FHOD3: variants seen among roughly 807,000 people sequenced by gnomAD.
The protein encoded by FHOD3 is FH1/FH2 domain-containing protein 3.
A neutral mutation model predicts 173.0 loss-of-function variants in FHOD3; 90 were observed. That is an observed-to-expected ratio of 0.52 (90% CI 0.44 to 0.62). FHOD3 has a LOEUF of 0.62. FHOD3 is among the 20% of genes least tolerant of loss of function. The probability of loss-of-function intolerance (pLI) is 0.00; values close to 1 mark genes in which losing one functional copy is unlikely to be tolerated. For synonymous variants in FHOD3, 828 were observed against 823.0 expected, an observed-to-expected ratio of 1.01 and a Z score of -0.10; for missense variants, 1,945 against 2,034.7, an observed-to-expected ratio of 0.96 and a Z score of 0.85.
intron 3 of FHOD3, among the ~76,000 whole-genome samples, chr18:36,373,361 C>T (rs2047283922): frequency 6.6e-6 from 1 of 152,178 alleles, no homozygotes; most frequent in Non-Finnish European, 1.5e-5. Context: ...AGTAATTTTG[C>T]TTTTGTTTAA....
In FHOD3 at chr18:36,718,437, C is replaced by G. The variant is rs572508966; in HGVS notation, c.3139C>G (p.Pro1047Ala). Reference protein sequence around the residue: ...PPPLLDSIPPPPVPGNLLVPP... With the variant: ...PPPLLDSIPPAPVPGNLLVPP... ...GCCCCTGTTGGACAGCATTCCTCCCCCTCCTGTCCCTGGTAATTTATTGGT... is the reference window on the plus strand; with the variant it reads ...GCCCCTGTTGGACAGCATTCCTCCCGCTCCTGTCCCTGGTAATTTATTGGT... The change falls in exon 19 of 29, where the codon CCT (proline) becomes GCT (alanine). Residue 1047 changes from proline to alanine, a missense_variant. By Grantham distance (27) the Pro-to-Ala change is conservative (BLOSUM62 -1). Around this residue, in one of 5 missense-constraint regions of FHOD3, gnomAD observed 1,099 missense variants for 1,051.2 expected, o/e 1.05. Coordinates refer to ENST00000590592, the MANE Select transcript of FHOD3 (RefSeq NM_001281740.3). 5.6e-6 allele frequency: 9 copies of G among 1,609,180 alleles called. No homozygotes were observed. In the East Asian group the frequency reaches 1.3e-4, roughly 24 times the overall value.
intron 3 of FHOD3, among the ~76,000 whole-genome samples, chr18:36,451,204 A>G (rs982126533): frequency 6.6e-6 from 1 of 152,240 alleles, no homozygotes; most frequent in Non-Finnish European, 1.5e-5. Flanking sequence ...ACTGATCCCA[A>G]ATCAATCTAA....
chr18:36,632,089 T>A (rs1033609716), intron 10 of FHOD3, among the ~76,000 whole-genome samples: 2 of 152,180 alleles, frequency 1.3e-5, no homozygotes, highest in South Asian at 4.1e-4. Context: ...ACTCTTAGAT[T>A]CTTAGAAGTA....
At chr18:36,331,743 C>G (rs1034851344) in intron 1 of FHOD3, among the ~76,000 whole-genome samples, 4 of 151,982 alleles carry the variant, frequency 2.6e-5, no homozygotes, top group Non-Finnish European at 1.5e-5. Flanking sequence ...GAAGCAACTT[C>G]CCAGAGCTCA....
chr18:36,331,340 C>G (rs2044998209), intron 1 of FHOD3, among the ~76,000 whole-genome samples: 1 of 152,168 alleles, frequency 6.6e-6, no homozygotes, highest in Non-Finnish European at 1.5e-5. Context: ...AAGTGAGTCT[C>G]TCTGCTTTAT....
chr18:36,453,575 GT>G lies in FHOD3; in HGVS notation c.338-48356del, dbSNP rs752485043. ...GCTTTCATGGAGCAGTTATACCCCT[GT>G]GGGGACATGAATGTCACACGCATGT... On this transcript the variant is annotated intron_variant, in intron 3 of 28. Coordinates refer to ENST00000590592, the MANE Select transcript of FHOD3 (RefSeq NM_001281740.3). 2.6e-5 allele frequency among the ~76,000 whole-genome samples: 4 copies of G among 152,364 alleles called. No homozygotes were observed. The South Asian group carries it at 6.2e-4, about 24-fold the overall frequency.
chr18:36,324,469 T>C (rs1165424906), intron 1 of FHOD3, among the ~76,000 whole-genome samples: 1 of 152,212 alleles, frequency 6.6e-6, no homozygotes, highest in South Asian at 2.1e-4. Flanking sequence ...GATATTTATG[T>C]GTTATCTCTC....
At chr18:36,577,255 G>A (rs1295066531) in intron 6 of FHOD3, among the ~76,000 whole-genome samples, 1 of 152,082 alleles carries the variant, frequency 6.6e-6, no homozygotes, top group Non-Finnish European at 1.5e-5. Flanking sequence ...AATTATAAAA[G>A]TAATCAATGT....
rs971420071 is a variant in FHOD3 at position 36,493,503 on chromosome 18, G to A, written c.338-8429G>A. 3.3e-5 allele frequency among the ~76,000 whole-genome samples: 5 copies of A among 152,290 alleles called. No homozygotes were observed. The East Asian group carries it at 5.8e-4, about 18-fold the overall frequency. The stretch of plus-strand genomic sequence containing the variant: ...TCTCTTGCCTCACTCAGTGCTGACA[G>A]TAACTTGGGTTGCGTGCTTCCTGGC... On this transcript the variant is annotated intron_variant, in intron 3 of 28. Coordinates refer to ENST00000590592, the MANE Select transcript of FHOD3 (RefSeq NM_001281740.3).
chr18:36,753,249 C>A (rs1204586978), intron 24 of FHOD3, among the ~76,000 whole-genome samples: 1 of 152,124 alleles, frequency 6.6e-6, no homozygotes, highest in Non-Finnish European at 1.5e-5. Flanking sequence ...GTTCCTTGGC[C>A]TCTGTGTCCC....
At chr18:36,494,927 C>A (rs185915231) in intron 3 of FHOD3, among the ~76,000 whole-genome samples, 1 of 152,102 alleles carries the variant, frequency 6.6e-6, no homozygotes, top group East Asian at 1.9e-4. Flanking sequence ...CTATGTCAGA[C>A]GTCATGCCCA....
chr18:36,298,949 C>T (rs1310862976), intron 1 of FHOD3, among the ~76,000 whole-genome samples: 2 of 151,782 alleles, frequency 1.3e-5, no homozygotes, highest in African/African-American at 4.8e-5. Context: ...TTTTTTCTGC[C>T]TAGGATTCAT....
chr18:36,492,560 G>A (rs1359439920), intron 3 of FHOD3, among the ~76,000 whole-genome samples: 3 of 152,146 alleles, frequency 2.0e-5, no homozygotes, highest in Non-Finnish European at 4.4e-5. Flanking sequence ...GCTCAGCATA[G>A]CACCTACCTA....
intron 1 of FHOD3, among the ~76,000 whole-genome samples, chr18:36,343,294 A>G (rs1168765630): frequency 6.6e-6 from 1 of 152,258 alleles, no homozygotes; most frequent in Admixed American, 6.5e-5. Flanking sequence ...ATAAAATGTG[A>G]TATATCCATG....
chr18:36,742,696 A>C (rs2041962113), intron 21 of FHOD3, 41 bp from the exon 22 acceptor site: 1 of 1,591,148 alleles, frequency 6.3e-7, no homozygotes, highest in Admixed American at 1.8e-5. Flanking sequence ...GTAAACCCAA[A>C]TTGTACACTC....
chr18:36,567,923 C>T (rs2147817127), intron 5 of FHOD3, among the ~76,000 whole-genome samples: 1 of 152,098 alleles, frequency 6.6e-6, no homozygotes, highest in Admixed American at 6.5e-5. Context: ...CTGGTTTTTC[C>T]TTCTCTGTTT....
rs111510067 is a variant in FHOD3 at position 36,399,673 on chromosome 18, C to A, written c.337+26929C>A. Among the ~76,000 whole-genome samples, 320 of 152,278 alleles carry A rather than the reference C, an allele frequency of 2.1e-3. 4 individuals are homozygous for A. Among genetic ancestry groups the A allele is most frequent in the African/African-American group, 7.3e-3 (302 of 41,564 alleles). On this transcript the variant is annotated intron_variant, in intron 3 of 28. Transcript: ENST00000590592. ...CTCAGGTGCTCTAGGGCCTTCTAGC[C>A]CCCTCCGCTTTTCTTCTTGCTCCAC... is the stretch of plus-strand genomic sequence containing the variant.
intron 3 of FHOD3, among the ~76,000 whole-genome samples, chr18:36,469,853 C>T (rs2053175424): frequency 6.6e-6 from 1 of 152,132 alleles, no homozygotes; most frequent in Non-Finnish European, 1.5e-5. Context: ...AAGCTCCAGT[C>T]CTCTGTGGCT....
At chr18:36,334,533 T>A (rs79084543) in intron 1 of FHOD3, among the ~76,000 whole-genome samples, 2,281 of 152,290 alleles carry the variant, frequency 0.015, 67 homozygotes, top group East Asian at 0.14. Flanking sequence ...ATTTGCTGCT[T>A]CTGTAAGGGT....
Sources: allele counts gnomAD v4.1 joint callset (sites outside exome capture counted in the v4.1 genomes callset), GRCh38; gene constraint gnomAD v4.1.1; regional missense constraint gnomAD v4.1.1; transcripts MANE v1.5; gene names NCBI Gene and HGNC (gene_info 2026-07-23, HGNC 2026-07-21).